PLEKHA5: variants seen among roughly 807,000 people sequenced by gnomAD.
PLEKHA5 encodes pleckstrin homology domain-containing family A member 5.
PLEKHA5 carries 55 observed loss-of-function variants against 181.9 expected under a neutral mutation model. The observed-to-expected ratio is 0.30, with a 90% CI of 0.24 to 0.38. PLEKHA5 has a LOEUF of 0.38. Among genes scored for constraint, PLEKHA5 ranks in the 10% least tolerant of loss-of-function variants. The pLI is 1.00. For missense variants in PLEKHA5, 1,432 were observed against 1,549.5 expected (o/e 0.92, Z 1.27); for synonymous variants, 535 against 529.4 (o/e 1.01, Z -0.15).
At chr12:19,336,447 C>A (rs1384273088) in intron 20 of PLEKHA5, 68 bp from the exon 21 acceptor site, 5 of 787,508 alleles carry the variant, frequency 6.3e-6, no homozygotes, top group Non-Finnish European at 1.1e-5. Flanking sequence ...TAGAAAGTTA[C>A]AATTGGAGTG....
At chr12:19,199,212 A>G (rs1429241052) in intron 3 of PLEKHA5, among the ~76,000 whole-genome samples, 7 of 152,228 alleles carry the variant, frequency 4.6e-5, no homozygotes, top group Admixed American at 4.6e-4. Context: ...TCTTGCAAAT[A>G]TAAGCTCCTG....
At chr12:19,329,852 AGAT>A (rs1434949569) in intron 20 of PLEKHA5, among the ~76,000 whole-genome samples, 2 of 151,892 alleles carry the variant, frequency 1.3e-5, no homozygotes, top group African/African-American at 4.8e-5. Context: ...TGAGGTAGGC[AGAT>A]TACTTGAGCC....
intron 3 of PLEKHA5, among the ~76,000 whole-genome samples, chr12:19,241,966 A>G (rs2062703202): frequency 6.6e-6 from 1 of 152,192 alleles, no homozygotes; most frequent in African/African-American, 2.4e-5. Context: ...TTTTAACCAT[A>G]TAGTACCAGT....
chr12:19,130,018 G>T lies in PLEKHA5; in HGVS notation c.90-33G>T, dbSNP rs1378340458. ...GGCTCGCCCCCGCGTCCCCTCTCACGCTCCGTGTCTGCCCCTTCTCTCACC... is the reference window on the plus strand; with the variant it reads ...GGCTCGCCCCCGCGTCCCCTCTCACTCTCCGTGTCTGCCCCTTCTCTCACC... On this transcript the variant is annotated intron_variant, in intron 1 of 31. Transcript: ENST00000429027. The surrounding 1 kb of genome is among the most constrained non-coding windows in gnomAD (Gnocchi z 4.5). 1.3e-6 allele frequency: 2 copies of T among 1,535,488 alleles called. No individual in the cohort carries two copies. Among genetic ancestry groups the T allele is most frequent in the East Asian group, 4.9e-5 (2 of 40,826 alleles).
chr12:19,174,687 G>A (rs1190299690), intron 3 of PLEKHA5, among the ~76,000 whole-genome samples: 2 of 152,148 alleles, frequency 1.3e-5, no homozygotes, highest in Non-Finnish European at 2.9e-5. Flanking sequence ...TTGTAGCAGA[G>A]CCGAGACCAG....
At chr12:19,272,381 A>G (rs1411321140) in intron 10 of PLEKHA5, among the ~76,000 whole-genome samples, 2 of 152,110 alleles carry the variant, frequency 1.3e-5, no homozygotes, top group Admixed American at 6.6e-5. Flanking sequence ...TGTCTTTTTG[A>G]CTACTTTTTC....
At chr12:19,204,095 T>C (rs2054830490) in intron 3 of PLEKHA5, among the ~76,000 whole-genome samples, 1 of 152,038 alleles carries the variant, frequency 6.6e-6, no homozygotes, top group African/African-American at 2.4e-5. Context: ...TATGTCTTCT[T>C]ACCTTCCCAC....
chr12:19,147,443 A>G (rs2039197845), intron 3 of PLEKHA5, among the ~76,000 whole-genome samples: 1 of 152,166 alleles, frequency 6.6e-6, no homozygotes, highest in Non-Finnish European at 1.5e-5. Context: ...TTGTAACGTT[A>G]GGGACACTTA....
chr12:19,240,572 C>T (rs2062355871), intron 3 of PLEKHA5, among the ~76,000 whole-genome samples: 1 of 150,374 alleles, frequency 6.7e-6, no homozygotes, highest in African/African-American at 2.4e-5. Flanking sequence ...TCCTGAGTAA[C>T]TGGGACTACA....
rs1445018290 is a variant in PLEKHA5 at position 19,175,432 on chromosome 12, AAT to A, written c.227+42984_227+42985del. ...TATGGAACAGTAGAATATATGTAGC[AAT>A]AGATTTGTATGTGCTAACATCTGAT... is the stretch of plus-strand genomic sequence containing the variant. On this transcript the variant is annotated intron_variant, in intron 3 of 31. Coordinates refer to ENST00000429027, the MANE Select transcript of PLEKHA5 (RefSeq NM_001256470.2). 7.2e-5 allele frequency among the ~76,000 whole-genome samples: 11 copies of A among 152,332 alleles called. No individual in the cohort carries two copies. The East Asian group carries it at 2.1e-3, about 29-fold the overall frequency.
chr12:19,326,037 AATAAAT>A (rs1378593960), intron 20 of PLEKHA5, among the ~76,000 whole-genome samples: 1 of 151,920 alleles, frequency 6.6e-6, no homozygotes, highest in Admixed American at 6.6e-5. Context: ...AATAAAATAA[AATAAAT>A]AAAATAGAAT....
At chr12:19,166,465 G>A (rs547681783) in intron 3 of PLEKHA5, among the ~76,000 whole-genome samples, 33 of 151,710 alleles carry the variant, frequency 2.2e-4, no homozygotes, top group African/African-American at 6.8e-4. Context: ...GGTTTTTTGC[G>A]CCCGTACTCA....
intron 20 of PLEKHA5, among the ~76,000 whole-genome samples, chr12:19,323,815 CA>C (rs376204923): frequency 0.75 from 86,577 of 116,090 alleles, 31,683 homozygotes; most frequent in Non-Finnish European, 0.84. Flanking sequence ...GACTCTGTTT[CA>C]AAAAAAAAAA....
At chr12:19,219,470 T>G (rs1389229292) in intron 3 of PLEKHA5, among the ~76,000 whole-genome samples, 1 of 151,876 alleles carries the variant, frequency 6.6e-6, no homozygotes, top group Non-Finnish European at 1.5e-5. Flanking sequence ...AAAAGATTTG[T>G]GAATTATTTG....
chr12:19,280,797 A>T (rs147921381), intron 11 of PLEKHA5, among the ~76,000 whole-genome samples: 10,757 of 148,874 alleles, frequency 0.072, 388 homozygotes, highest in South Asian at 0.11. Context: ...TGCAACCTCC[A>T]CCTCCCAGGT....
chr12:19,263,310 T>C (rs532934337), intron 7 of PLEKHA5, among the ~76,000 whole-genome samples: 1 of 152,302 alleles, frequency 6.6e-6, no homozygotes, highest in South Asian at 2.1e-4. Flanking sequence ...GAAACTCATA[T>C]ACAAAGTGCT....
chr12:19,352,424 G>A (rs2094647545), intron 25 of PLEKHA5, among the ~76,000 whole-genome samples: 1 of 151,758 alleles, frequency 6.6e-6, no homozygotes, highest in African/African-American at 2.4e-5. Context: ...AAGTGAAAAT[G>A]AGTACCTATA....
intron 20 of PLEKHA5, among the ~76,000 whole-genome samples, chr12:19,323,829 A>AG (rs1592492312): frequency 1.3e-5 from 2 of 151,962 alleles, no homozygotes; most frequent in East Asian, 1.9e-4. Flanking sequence ...AAAAAAAAAA[A>AG]AAAGAAAGAA....
chr12:19,157,920 G>T (rs1433420458), intron 3 of PLEKHA5, among the ~76,000 whole-genome samples: 1 of 152,032 alleles, frequency 6.6e-6, no homozygotes, highest in African/African-American at 2.4e-5. Flanking sequence ...CCGAACTCTG[G>T]AATAATTAGT....
Sources: allele counts gnomAD v4.1 joint callset (sites outside exome capture counted in the v4.1 genomes callset), GRCh38; gene constraint gnomAD v4.1.1; non-coding constraint Gnocchi (gnomAD v3.1); transcripts MANE v1.5; gene names NCBI Gene and HGNC (gene_info 2026-07-23, HGNC 2026-07-21).